RELCH: variants seen among roughly 807,000 people sequenced by gnomAD.
RELCH encodes RAB11-binding protein RELCH.
In RELCH, 41 loss-of-function variants were observed where a neutral mutation model predicts 150.3. That is an observed-to-expected ratio of 0.27 (90% CI 0.21 to 0.35). The LOEUF is 0.35. Ranked by LOEUF, RELCH falls within the 10% of genes least tolerant of loss-of-function variation. RELCH has a pLI of 1.00. For missense variants in RELCH, 1,092 were observed against 1,467.8 expected (o/e 0.74, Z 4.18); for synonymous variants, 478 against 531.8 (o/e 0.90, Z 1.39).
chr18:62,225,224 C>A (rs2041134145), intron 5 of RELCH, among the ~76,000 whole-genome samples: 1 of 151,184 alleles, frequency 6.6e-6, no homozygotes, highest in Admixed American at 6.6e-5. Context: ...AAATATAGAT[C>A]CTAAAAAGCT....
Position 62,228,312 on chromosome 18 carries a change from G to A in RELCH, c.1162G>A (p.Asp388Asn), listed in dbSNP as rs1196332483. 1 of 1,608,812 alleles carries A rather than the reference G, an allele frequency of 6.2e-7. No homozygotes were observed. Among genetic ancestry groups the A allele is most frequent in the African/African-American group, 1.3e-5 (1 of 74,596 alleles). The change falls in exon 8 of 29, where the codon GAC becomes AAC. Residue 388 changes from aspartate (D) to asparagine (N), a missense_variant. By Grantham distance (23) the Asp-to-Asn change is conservative (BLOSUM62 1). This residue lies in a region of RELCH where 707 missense variants were observed against 1,025.4 expected (regional missense o/e 0.69). Coordinates refer to ENST00000644646, the MANE Select transcript of RELCH (RefSeq NM_001346231.2). ...TAATTTCTCTTTCTACAGTGAAATG[G>A]ACTTCCTCAAAAATGAACACTTTGC... ...EQIRRLKSEMDFLKNEHFAIP... is the reference protein window; with the variant it reads ...EQIRRLKSEMNFLKNEHFAIP...
In RELCH at chr18:62,229,569, G is replaced by A. The variant is rs559406228; in HGVS notation, c.1448+971G>A. On this transcript the variant is annotated intron_variant, in intron 8 of 28. Transcript: ENST00000644646. ...TGGTCACAGAACTGAAACAGACATGGCCCAAACCTCAAACCTTATAGTATG... is the reference window on the plus strand; with the variant it reads ...TGGTCACAGAACTGAAACAGACATGACCCAAACCTCAAACCTTATAGTATG... 4.6e-5 allele frequency among the ~76,000 whole-genome samples: 7 copies of A among 151,258 alleles called. No homozygotes were observed. In the South Asian group the frequency reaches 1.5e-3, roughly 32 times the overall value.
rs922730319 is a variant in RELCH, at chr18:62,221,449, T to C, written c.810T>C (p.Asn270=). 64 of 1,588,568 alleles carry C rather than the reference T, an allele frequency of 4.0e-5. No individual in the cohort carries two copies. The highest frequency in any genetic ancestry group is 5.3e-5 in the Non-Finnish European group (62 of 1,162,866). ...TAGTCAATGAATTTTTATTGAAGAA[T>C]AACTATAAGCTTACATCAATAACCT... ...NFLVNEFLLK[N]NYKLTSITFS... The change falls in exon 5 of 29, where the codon AAT becomes AAC. Residue 270 remains asparagine (N), a synonymous_variant. Coordinates refer to ENST00000644646, the MANE Select transcript of RELCH (RefSeq NM_001346231.2).
intron 1 of RELCH, among the ~76,000 whole-genome samples, chr18:62,197,183 G>A (rs1163982992): frequency 6.6e-6 from 1 of 152,144 alleles, no homozygotes; most frequent in African/African-American, 2.4e-5. Flanking sequence ...ATATAATAGG[G>A]TGTTTCCACT....
At chr18:62,246,219 C>CT (rs1483954386) in intron 11 of RELCH, 1 of 152,144 alleles carries the variant, frequency 6.6e-6, no homozygotes. Context: ...AACTTTCTAT[C>CT]TTTTTAAGAA....
chr18:62,207,699 C>T (rs1017052379), intron 1 of RELCH, among the ~76,000 whole-genome samples: 1 of 152,184 alleles, frequency 6.6e-6, no homozygotes, highest in African/African-American at 2.4e-5. Flanking sequence ...CATCAATTCA[C>T]CCTTTTAAAG....
chr18:62,214,949 T>C (rs2040396619), intron 2 of RELCH, among the ~76,000 whole-genome samples: 1 of 152,174 alleles, frequency 6.6e-6, no homozygotes, highest in Admixed American at 6.5e-5. Context: ...CTGCAATGGC[T>C]TCAAGGTCTT....
intron 2 of RELCH, among the ~76,000 whole-genome samples, chr18:62,214,659 C>T (rs996737065): frequency 6.6e-6 from 1 of 152,080 alleles, no homozygotes; most frequent in Non-Finnish European, 1.5e-5. Context: ...TGCCATGACC[C>T]CATAGCTCAT....
intron 2 of RELCH, among the ~76,000 whole-genome samples, chr18:62,216,240 A>T (rs1488724578): frequency 6.6e-6 from 1 of 152,166 alleles, no homozygotes; most frequent in Non-Finnish European, 1.5e-5. Flanking sequence ...ATGTAGACAT[A>T]CAAGATAGAT....
At chr18:62,252,520 AAAAAT>A (rs2144579843) in intron 11 of RELCH, 139 bp from the exon 12 acceptor site, 10 of 645,480 alleles carry the variant, frequency 1.5e-5, no homozygotes, top group East Asian at 2.9e-5. Context: ...CTATCTCAAA[AAAAAT>A]AAATAAATAA....
At position 62,261,664 on chromosome 18, in the gene RELCH, G is replaced by A; in HGVS notation, c.2350+6G>A. 1 of 1,599,156 alleles carries A rather than the reference G, an allele frequency of 6.3e-7. No homozygotes were observed. Among genetic ancestry groups the A allele is most frequent in the Non-Finnish European group, 8.5e-7 (1 of 1,173,190 alleles). Reference sequence around the variant, plus strand: ...TGAAGTGCCACAGATAGAAGGTACTGAACTTAAATTCTGGAAGAAAAATGT... The same window carrying A: ...TGAAGTGCCACAGATAGAAGGTACTAAACTTAAATTCTGGAAGAAAAATGT... On this transcript the variant is annotated splice_donor_region_variant and intron_variant, in intron 16 of 28. Transcript: ENST00000644646.
intron 1 of RELCH, among the ~76,000 whole-genome samples, chr18:62,204,179 A>G (rs1357595916): frequency 6.6e-6 from 1 of 152,094 alleles, no homozygotes; most frequent in African/African-American, 2.4e-5. Flanking sequence ...CTTTTATTTT[A>G]TAATTATTTA....
chr18:62,291,447 T>C, intron 26 of RELCH, 96 bp from the exon 27 acceptor site: 1 of 634,140 alleles, frequency 1.6e-6, no homozygotes, highest in South Asian at 2.2e-5. Flanking sequence ...ATAGGTATGA[T>C]ATAAGAAGGC....
At chr18:62,287,067 C>G (rs1252052839) in intron 25 of RELCH, among the ~76,000 whole-genome samples, 2 of 152,096 alleles carry the variant, frequency 1.3e-5, no homozygotes, top group African/African-American at 4.8e-5. Flanking sequence ...AACTGGGAAA[C>G]TGAATTACAG....
chr18:62,268,349 G>A (rs2043702197), intron 19 of RELCH, among the ~76,000 whole-genome samples: 1 of 152,032 alleles, frequency 6.6e-6, no homozygotes, highest in Non-Finnish European at 1.5e-5. Flanking sequence ...TACTTAGCAT[G>A]ATTCCTTCCC....
rs529265288 is a variant in RELCH at position 62,244,305 on chromosome 18, T to C, written c.1621-459T>C. Among the ~76,000 whole-genome samples, 53 of 152,264 alleles carry C rather than the reference T, an allele frequency of 3.5e-4. 1 individual carries two copies. Among genetic ancestry groups the C allele is most frequent in the Middle Eastern group, 6.8e-3 (2 of 294 alleles). ...GTCAAGTGCTAAGGGTACAAAATTG[T>C]TAGATCTAATCATAAGGACATTATA... is the stretch of plus-strand genomic sequence containing the variant. On this transcript the variant is annotated intron_variant, in intron 10 of 28. Transcript: ENST00000644646.
At chr18:62,258,789 A>C (rs1050330565) in intron 15 of RELCH, 113 bp downstream of exon 15, 19 of 626,324 alleles carry the variant, frequency 3.0e-5, no homozygotes, top group African/African-American at 7.8e-5. Context: ...TTAACATACT[A>C]ATACATTACC....
Position 62,252,649 on chromosome 18 carries a change from T to G in RELCH, c.1734-15T>G. ...TCTCATGCAAATACAAGCCGTTTTT[T>G]ATATTATTTTTCAGGCAAATGATAC... is the stretch of plus-strand genomic sequence containing the variant. On this transcript the variant is annotated splice_polypyrimidine_tract_variant and intron_variant, in intron 11 of 28. Transcript: ENST00000644646. 6.2e-7 allele frequency: 1 copy of G among 1,610,694 alleles called. No individual in the cohort carries two copies.
chr18:62,266,345 T>C (rs1421532954), intron 18 of RELCH, among the ~76,000 whole-genome samples: 1 of 151,894 alleles, frequency 6.6e-6, no homozygotes, highest in Non-Finnish European at 1.5e-5. Context: ...AACCATGTAA[T>C]ATCTACCTAA....
Sources: allele counts gnomAD v4.1 joint callset (sites outside exome capture counted in the v4.1 genomes callset), GRCh38; gene constraint gnomAD v4.1.1; regional missense constraint gnomAD v4.1.1; transcripts MANE v1.5; gene names NCBI Gene and HGNC (gene_info 2026-07-23, HGNC 2026-07-21).